The following CLASP1 variants were observed in gnomAD, a reference collection of about 807,000 sequenced individuals.
CLASP1 encodes cytoplasmic linker associated protein 1, also known as CLIP-associating protein 1.
Under a neutral mutation model 192.3 loss-of-function variants are expected in CLASP1, and 38 were observed. The ratio of observed to expected loss-of-function variants is 0.20; its 90% CI spans 0.15 to 0.26. The LOEUF is 0.26. Among genes scored for constraint, CLASP1 ranks in the 10% least tolerant of loss-of-function variants. The probability of loss-of-function intolerance (pLI) is 1.00; values close to 1 mark genes in which losing one functional copy is unlikely to be tolerated. For missense variants in CLASP1, 1,433 were observed against 1,932.5 expected, an observed-to-expected ratio of 0.74 and a Z score of 4.85; for synonymous variants, 691 against 712.8, an observed-to-expected ratio of 0.97 and a Z score of 0.49.
chr2:121,529,302 T>C lies in CLASP1; in HGVS notation c.275-522A>G, dbSNP rs138439110. On this transcript the variant is annotated intron_variant, in intron 3 of 39. Transcript: ENST00000263710. ...TGGACCCTCCCACCAGTGGTCCAAG[T>C]GCACCTGTAGACCAGAGATCAGCTT... Among the ~76,000 whole-genome samples the C allele has an allele frequency of 1.3e-3, 201 of 152,350 alleles. 1 individual carries two copies. The highest frequency in any genetic ancestry group is 3.4e-3 in the Middle Eastern group (1 of 294).
At position 121,366,192 on chromosome 2, in the gene CLASP1, C is replaced by T. The variant is rs55715065; in HGVS notation, c.3887-908G>A. Among the ~76,000 whole-genome samples, 521 of 152,280 alleles carry T rather than the reference C, an allele frequency of 3.4e-3. 2 individuals carry two copies. The highest frequency in any genetic ancestry group is 5.4e-3 in the Non-Finnish European group (369 of 68,026). On this transcript the variant is annotated intron_variant, in intron 35 of 39. Transcript: ENST00000263710. ...GTACACAGTTGGTGAATAACCAACACTGTAATTTCTACCCTAATCAAGATC... is the reference window on the plus strand; with the variant it reads ...GTACACAGTTGGTGAATAACCAACATTGTAATTTCTACCCTAATCAAGATC...
At chr2:121,613,330 G>T (rs915617497) in intron 1 of CLASP1, among the ~76,000 whole-genome samples, 1 of 152,108 alleles carries the variant, frequency 6.6e-6, no homozygotes, top group African/African-American at 2.4e-5. Flanking sequence ...AAAAGGTCAA[G>T]ACAATTGTCC....
intron 2 of CLASP1, among the ~76,000 whole-genome samples, chr2:121,536,241 C>A (rs757707672): frequency 3.2e-4 from 48 of 151,314 alleles, no homozygotes; most frequent in Non-Finnish European, 5.9e-4. Context: ...ATTAGCCGGG[C>A]GTTGTGACGG....
At chr2:121,367,921 T>C in intron 34 of CLASP1, 90 bp from the exon 36 acceptor site, 1 of 1,525,078 alleles carries the variant, frequency 6.6e-7, no homozygotes, top group East Asian at 2.3e-5. Context: ...GCCAGAGATT[T>C]TCACTTGAAA....
At chr2:121,526,747 G>A (rs1157809623) in intron 5 of CLASP1, among the ~76,000 whole-genome samples, 1 of 152,024 alleles carries the variant, frequency 6.6e-6, no homozygotes, top group Admixed American at 6.6e-5. Flanking sequence ...TTACCTGAAG[G>A]TAACAGAATC....
intron 2 of CLASP1, among the ~76,000 whole-genome samples, chr2:121,559,579 T>C (rs911250072): frequency 6.6e-6 from 1 of 152,092 alleles, no homozygotes; most frequent in African/African-American, 2.4e-5. Flanking sequence ...AGAAGTCAGA[T>C]ACCAAAGACC....
intron 37 of CLASP1, among the ~76,000 whole-genome samples, chr2:121,353,868 G>A (rs1231559127): frequency 6.6e-6 from 1 of 152,152 alleles, no homozygotes; most frequent in East Asian, 1.9e-4. Context: ...ATGGCTCACT[G>A]CAGCCTCGAT....
intron 2 of CLASP1, among the ~76,000 whole-genome samples, chr2:121,565,922 T>C (rs1559628117): frequency 6.6e-6 from 1 of 152,198 alleles, no homozygotes; most frequent in Non-Finnish European, 1.5e-5. Context: ...CTAGGATTTA[T>C]CTCTTTTCCG....
chr2:121,452,022 G>C (rs1046109731), intron 14 of CLASP1, among the ~76,000 whole-genome samples, 173 bp from the exon 15 acceptor site: 1 of 152,104 alleles, frequency 6.6e-6, no homozygotes, highest in Non-Finnish European at 1.5e-5. Flanking sequence ...AAAAACCAAA[G>C]CAAATGAAAG....
intron 5 of CLASP1, among the ~76,000 whole-genome samples, chr2:121,526,504 T>G (rs1286569333): frequency 1.3e-5 from 2 of 152,210 alleles, no homozygotes; most frequent in African/African-American, 4.8e-5. Context: ...TTAATCTGCC[T>G]ACTACCTTAG....
chr2:121,338,621 C>T (rs577090149), exon 40 of CLASP1: 2 of 152,410 alleles, frequency 1.3e-5, no homozygotes, highest in Admixed American at 6.5e-5. Context: ...ATGCGAGTCT[C>T]CTCGGCGCGG....
At chr2:121,623,524 T>C (rs546279592) in intron 1 of CLASP1, among the ~76,000 whole-genome samples, 2 of 152,368 alleles carry the variant, frequency 1.3e-5, no homozygotes, top group South Asian at 4.1e-4. Context: ...CTGGTTTTGG[T>C]ATCAGCCTAA....
At chr2:121,393,247 T>C (rs1183328312) in intron 30 of CLASP1, among the ~76,000 whole-genome samples, 1 of 152,182 alleles carries the variant, frequency 6.6e-6, no homozygotes, top group Non-Finnish European at 1.5e-5. Flanking sequence ...GGCTCTTCTG[T>C]ATTTGGAATA....
chr2:121,496,972 A>T (rs2093560421), intron 8 of CLASP1, among the ~76,000 whole-genome samples: 1 of 152,240 alleles, frequency 6.6e-6, no homozygotes, highest in Non-Finnish European at 1.5e-5. Context: ...TAAGCCAAGC[A>T]CAGAAAGACA....
chr2:121,647,352 G>C (rs902503621), intron 1 of CLASP1, among the ~76,000 whole-genome samples: 1 of 152,130 alleles, frequency 6.6e-6, no homozygotes, highest in Non-Finnish European at 1.5e-5. Context: ...TGGGCGACAA[G>C]AGTGAAACTC....
intron 7 of CLASP1, among the ~76,000 whole-genome samples, chr2:121,505,754 T>G (rs1044528101): frequency 6.6e-6 from 1 of 152,188 alleles, no homozygotes; most frequent in African/African-American, 2.4e-5. Context: ...ACCACCATCT[T>G]CCTCTATTTT....
At chr2:121,437,188 C>A (rs2082451625) in intron 19 of CLASP1, among the ~76,000 whole-genome samples, 1 of 152,056 alleles carries the variant, frequency 6.6e-6, no homozygotes, top group Non-Finnish European at 1.5e-5. Context: ...AGGCTTAACT[C>A]CTGGGCTCAA....
chr2:121,629,057 C>T (rs1428181595), intron 1 of CLASP1, among the ~76,000 whole-genome samples: 2 of 151,874 alleles, frequency 1.3e-5, no homozygotes, highest in Non-Finnish European at 2.9e-5. Context: ...ACAGTACATC[C>T]GTACAACAGC....
rs78931602 is a variant in CLASP1 at position 121,343,991 on chromosome 2, A to C, written c.4531-3044T>G. Among the ~76,000 whole-genome samples the C allele has an allele frequency of 2.1e-3, 318 of 152,266 alleles. 1 individual carries two copies. The highest frequency in any genetic ancestry group is 7.3e-3 in the African/African-American group (305 of 41,566). ...GAGGCTGAAGCAGGACAATCGTTTG[A>C]ACCTGGTAGGCGGAGGTTGCAGTGA... On this transcript the variant is annotated intron_variant, in intron 39 of 39. Transcript: ENST00000263710.
Sources: gnomAD v4.1 joint callset for allele counts (sites outside exome capture counted in the v4.1 genomes callset) on GRCh38, gnomAD v4.1.1 for gene constraint, MANE v1.5 for transcripts, NCBI Gene and HGNC (gene_info 2026-07-23, HGNC 2026-07-21) for gene names.